Variants in FRMPD4 observed in about 807,000 individuals in gnomAD.
The protein encoded by FRMPD4 is FERM and PDZ domain-containing protein 4.
In FRMPD4, 22 loss-of-function variants were observed where a neutral mutation model predicts 94.1. That is an observed-to-expected ratio of 0.23 (90% confidence interval 0.17 to 0.33). The LOEUF is 0.33. FRMPD4 is among the 10% of genes least tolerant of loss of function. The probability of loss-of-function intolerance (pLI) is 1.00; values close to 1 mark genes in which losing one functional copy is unlikely to be tolerated. For missense variants in FRMPD4, 1,111 were observed against 1,339.9 expected, an observed-to-expected ratio of 0.83 and a Z score of 2.67; for synonymous variants, 631 against 548.6, an observed-to-expected ratio of 1.15 and a Z score of -2.10.
intron 3 of FRMPD4, among the ~76,000 whole-genome samples, chrX:12,130,667 C>T (rs752188615): frequency 4.9e-4 from 54 of 110,967 alleles, no homozygotes; most frequent in African/African-American, 1.7e-3. Flanking sequence ...CATTTTTGTA[C>T]ATACATCTTC....
rs373743598 is a variant in FRMPD4, at chrX:11,844,123, G to C, written c.-160-20963G>C. On this transcript the variant is annotated intron_variant, in intron 1 of 18. Transcript: ENST00000640291. Reference sequence around the variant, plus strand: ...GTGCCTCAGCCTCCCGAGTAGCTGGGACTACAGGCATGCGCCATCACACCC... The same window carrying C: ...GTGCCTCAGCCTCCCGAGTAGCTGGCACTACAGGCATGCGCCATCACACCC... Among the ~76,000 whole-genome samples, 86 of 106,870 alleles carry C rather than the reference G, an allele frequency of 8.0e-4. 1 individual carries two copies. In the East Asian group the frequency reaches 0.013, roughly 16 times the overall value. 92.8% of individuals were successfully genotyped at this position (106,870 alleles called of 115,157 possible). A position where few individuals can be genotyped will look rare whatever the true frequency, so the allele number is the denominator to read the frequency against.
intron 3 of FRMPD4, among the ~76,000 whole-genome samples, chrX:11,882,315 C>T (rs944132680): frequency 9.1e-6 from 1 of 110,337 alleles, no homozygotes; most frequent in Non-Finnish European, 1.9e-5. Context: ...ACAAAGGGGT[C>T]GAAGAGTGAG....
At chrX:11,851,265 T>G (rs915788534) in intron 1 of FRMPD4, among the ~76,000 whole-genome samples, 3 of 112,100 alleles carry the variant, frequency 2.7e-5, no homozygotes, top group African/African-American at 9.7e-5. Flanking sequence ...TAAACAGATT[T>G]GTCCAGTTTC....
At chrX:11,918,837 G>A (rs113433962) in intron 3 of FRMPD4, among the ~76,000 whole-genome samples, 5,980 of 111,712 alleles carry the variant, frequency 0.054, 174 homozygotes, top group East Asian at 0.15. Flanking sequence ...AAAAATGAAC[G>A]CAGAGATAGT....
chrX:12,494,877 G>C (rs2057829793), intron 1 of FRMPD4: 1 of 133,542 alleles, frequency 7.5e-6, no homozygotes, highest in South Asian at 3.3e-4. Flanking sequence ...GGGAGTTTCT[G>C]AAGTGACTTA....
intron 1 of FRMPD4, among the ~76,000 whole-genome samples, chrX:12,489,645 G>A (rs2057773267): frequency 1.8e-5 from 2 of 112,250 alleles, no homozygotes; most frequent in African/African-American, 6.5e-5. Context: ...GATGCATTTG[G>A]TGGGTCCTGA....
Position 12,718,426 on chromosome X carries a change from A to G in FRMPD4, c.3600A>G (p.Ser1200=), listed in dbSNP as rs1316898350. Residue 1200 remains serine, a synonymous_variant, in exon 16 of 17, where the codon TCA becomes TCG. Transcript: ENST00000675598. ...ACTACCACTTGGCCAAGCGGATGTCATCACTGCAAAGCGAGGGCCATTTTT... is the reference window on the plus strand; with the variant it reads ...ACTACCACTTGGCCAAGCGGATGTCGTCACTGCAAAGCGAGGGCCATTTTT... ...LCDYHLAKRM[S]SLQSEGHFSL... 1 of 1,210,602 alleles carries G rather than the reference A, an allele frequency of 8.3e-7. No homozygotes were observed. The highest frequency in any genetic ancestry group is 1.8e-5 in the South Asian group (1 of 56,981).
intron 2 of FRMPD4, among the ~76,000 whole-genome samples, chrX:12,605,721 T>TGC (rs756414614): frequency 3.6e-5 from 4 of 111,036 alleles, no homozygotes; most frequent in Non-Finnish European, 7.6e-5. Context: ...AGGACCTTTG[T>TGC]GCTTCATGGT....
intron 3 of FRMPD4, among the ~76,000 whole-genome samples, chrX:11,927,991 T>C: frequency 8.9e-6 from 1 of 112,312 alleles, no homozygotes; most frequent in Non-Finnish European, 1.9e-5. Context: ...GAGAAGATTT[T>C]TGCAAACTAT....
intron 3 of FRMPD4, among the ~76,000 whole-genome samples, chrX:12,109,917 G>A (rs2055340743): frequency 9.0e-6 from 1 of 111,581 alleles, no homozygotes; most frequent in Non-Finnish European, 1.9e-5. Flanking sequence ...CTGAAATTGA[G>A]GCAATAATTA....
chrX:11,948,260 A>G (rs939666658), intron 3 of FRMPD4, among the ~76,000 whole-genome samples: 5 of 110,631 alleles, frequency 4.5e-5, no homozygotes, highest in African/African-American at 1.6e-4. Context: ...CTAATCCCCA[A>G]TGTGATGCTA....
chrX:11,868,735 G>A (rs1317735432), intron 2 of FRMPD4, among the ~76,000 whole-genome samples: 1 of 112,211 alleles, frequency 8.9e-6, no homozygotes. Flanking sequence ...GCCGGTCTCT[G>A]ACATTATTCA....
chrX:11,889,574 G>C (rs1247935104), intron 3 of FRMPD4, among the ~76,000 whole-genome samples: 1 of 112,538 alleles, frequency 8.9e-6, no homozygotes, highest in African/African-American at 3.2e-5. Context: ...TATGTGAGCA[G>C]AACATGTGTA....
chrX:12,430,143 T>C (rs765768726), intron 1 of FRMPD4, among the ~76,000 whole-genome samples: 1 of 108,289 alleles, frequency 9.2e-6, no homozygotes, highest in East Asian at 3.0e-4. Context: ...TAGGGACAAA[T>C]TACTGGAGTA....
chrX:12,680,583 T>C, intron 5 of FRMPD4, among the ~76,000 whole-genome samples: 1 of 112,255 alleles, frequency 8.9e-6, no homozygotes, highest in Admixed American at 9.4e-5. Flanking sequence ...TTTTATGAAA[T>C]AGTCACAAAC....
intron 5 of FRMPD4, among the ~76,000 whole-genome samples, chrX:12,678,216 C>A (rs1212233452): frequency 8.9e-6 from 1 of 112,434 alleles, no homozygotes. Context: ...CTTAACCAAC[C>A]CCCATCACTG....
intron 1 of FRMPD4, among the ~76,000 whole-genome samples, chrX:12,286,493 T>C (rs997529718): frequency 1.6e-4 from 18 of 112,246 alleles, no homozygotes; most frequent in Admixed American, 1.2e-3. Flanking sequence ...ATTTCTGTGA[T>C]GCTATAATGA....
chrX:12,278,073 C>G (rs2054468333), intron 1 of FRMPD4, among the ~76,000 whole-genome samples: 2 of 112,735 alleles, frequency 1.8e-5, no homozygotes, highest in Admixed American at 1.9e-4. Flanking sequence ...TTTTTATTCT[C>G]TAGTTAGATA....
chrX:12,720,038 AG>A (rs66776380), intron 16 of FRMPD4, among the ~76,000 whole-genome samples: 9,060 of 48,092 alleles, frequency 0.19, 506 homozygotes, highest in Middle Eastern at 0.32. Flanking sequence ...AGGAAAGGAA[AG>A]GAAAGGAAAG....
Sources: allele counts gnomAD v4.1 joint callset (sites outside exome capture counted in the v4.1 genomes callset), GRCh38; gene constraint gnomAD v4.1.1; transcripts MANE v1.5; gene names NCBI Gene and HGNC (gene_info 2026-07-23, HGNC 2026-07-21).